The following UNC5D variants were observed in gnomAD, a reference collection of about 807,000 sequenced individuals.
The protein encoded by UNC5D is netrin receptor UNC5D.
A neutral mutation model predicts 105.4 loss-of-function variants in UNC5D; 39 were observed. That is an observed-to-expected ratio of 0.37 (90% confidence interval 0.29 to 0.48). The LOEUF (loss-of-function observed/expected upper bound fraction) is 0.48, where lower values mean the gene tolerates loss of function less well. UNC5D is among the 20% of genes least tolerant of loss of function. UNC5D has a pLI of 0.98. For synonymous variants in UNC5D, 452 were observed against 450.4 expected, an observed-to-expected ratio of 1.00 and a Z score of -0.04; for missense variants, 991 against 1,202.4, an observed-to-expected ratio of 0.82 and a Z score of 2.60.
chr8:35,372,464 T>TG (rs1246122536), intron 1 of UNC5D, among the ~76,000 whole-genome samples: 1 of 152,058 alleles, frequency 6.6e-6, no homozygotes, highest in African/African-American at 2.4e-5. Context: ...TTGTATATTT[T>TG]GGGGGGTTAT....
chr8:35,340,200 C>T (rs1031717332), intron 1 of UNC5D, among the ~76,000 whole-genome samples: 1 of 152,120 alleles, frequency 6.6e-6, no homozygotes, highest in African/African-American at 2.4e-5. Flanking sequence ...TGCCTCCATT[C>T]CCATGAAAAT....
chr8:35,710,196 A>G (rs13276125), intron 8 of UNC5D, among the ~76,000 whole-genome samples: 5,334 of 152,298 alleles, frequency 0.035, 142 homozygotes, highest in Non-Finnish European at 0.055. Context: ...CTCTAAGATG[A>G]TTGTGGCTTG....
chr8:35,694,067 G>T (rs962340390), intron 7 of UNC5D, among the ~76,000 whole-genome samples: 1 of 152,110 alleles, frequency 6.6e-6, no homozygotes, highest in South Asian at 2.1e-4. Context: ...ACATAAGAAC[G>T]AGTCCCTGTG....
chr8:35,297,151 A>T (rs1043211063), intron 1 of UNC5D, among the ~76,000 whole-genome samples: 1 of 152,132 alleles, frequency 6.6e-6, no homozygotes, highest in African/African-American at 2.4e-5. Flanking sequence ...TGTGTTTATA[A>T]GCACTTCTAT....
intron 11 of UNC5D, among the ~76,000 whole-genome samples, chr8:35,731,526 C>T (rs1829198398): frequency 6.6e-6 from 1 of 151,144 alleles, no homozygotes; most frequent in Non-Finnish European, 1.5e-5. Context: ...TCATGAACTC[C>T]TTGACTCTAG....
At chr8:35,573,030 C>G (rs990977283) in intron 3 of UNC5D, among the ~76,000 whole-genome samples, 6 of 152,084 alleles carry the variant, frequency 3.9e-5, no homozygotes, top group South Asian at 2.1e-4. Context: ...GTCTCGATCT[C>G]CTGACCTCGT....
intron 1 of UNC5D, among the ~76,000 whole-genome samples, chr8:35,342,429 G>A (rs1348242153): frequency 1.3e-5 from 2 of 152,030 alleles, no homozygotes; most frequent in Non-Finnish European, 2.9e-5. Context: ...GGGAAAACAG[G>A]GATTCATCAG....
rs575280763 is a variant in UNC5D at position 35,427,402 on chromosome 8, G to T, written c.104-121890G>T. Among the ~76,000 whole-genome samples, 33 of 152,234 alleles carry T rather than the reference G, an allele frequency of 2.2e-4. No individual in the cohort carries two copies. In the East Asian group the frequency reaches 6.2e-3, roughly 29 times the overall value. On this transcript the variant is annotated intron_variant, in intron 1 of 16. Transcript: ENST00000404895. ...TGCTAGATGGGAAAACAGAACAATG[G>T]GTCCCGAGATTTTCAGACTGCCGCT...
intron 1 of UNC5D, among the ~76,000 whole-genome samples, chr8:35,491,084 G>A (rs188587375): frequency 1.7e-4 from 26 of 151,690 alleles, no homozygotes; most frequent in African/African-American, 5.8e-4. Context: ...CCTGAACTTC[G>A]CTGCTTTAAT....
intron 1 of UNC5D, among the ~76,000 whole-genome samples, chr8:35,244,286 G>A (rs1403303860): frequency 1.3e-5 from 2 of 152,168 alleles, no homozygotes; most frequent in Admixed American, 1.3e-4. Context: ...GGGCCTTTTC[G>A]ATGATGTTAC....
At chr8:35,696,549 G>C (rs1826793282) in intron 7 of UNC5D, among the ~76,000 whole-genome samples, 1 of 152,044 alleles carries the variant, frequency 6.6e-6, no homozygotes, top group South Asian at 2.1e-4. Flanking sequence ...GAAGTGGCAA[G>C]AACCCAATCA....
chr8:35,538,998 G>A (rs1313121834), intron 1 of UNC5D, among the ~76,000 whole-genome samples: 1 of 151,998 alleles, frequency 6.6e-6, no homozygotes, highest in African/African-American at 2.4e-5. Flanking sequence ...CAGAATTATA[G>A]TATCAATATA....
intron 3 of UNC5D, among the ~76,000 whole-genome samples, chr8:35,595,035 C>T (rs1371903599): frequency 6.6e-6 from 1 of 152,166 alleles, no homozygotes; most frequent in East Asian, 1.9e-4. Context: ...TTGAATGTTG[C>T]CCCTTCTCCC....
At chr8:35,262,859 A>G (rs755371626) in intron 1 of UNC5D, among the ~76,000 whole-genome samples, 1 of 152,202 alleles carries the variant, frequency 6.6e-6, no homozygotes, top group Admixed American at 6.5e-5. Context: ...AGATTTGCCT[A>G]CTTTCTCATA....
chr8:35,442,328 C>A (rs1218281843), intron 1 of UNC5D, among the ~76,000 whole-genome samples: 1 of 151,842 alleles, frequency 6.6e-6, no homozygotes, highest in African/African-American at 2.4e-5. Flanking sequence ...AGTTATACAC[C>A]ACACTAGGTA....
At chr8:35,317,419 G>A (rs767383139) in intron 1 of UNC5D, among the ~76,000 whole-genome samples, 8 of 152,082 alleles carry the variant, frequency 5.3e-5, no homozygotes, top group Admixed American at 2.0e-4. Flanking sequence ...TGGCTATTAC[G>A]AAAACATCTT....
At chr8:35,270,568 AGT>A (rs1805210953) in intron 1 of UNC5D, among the ~76,000 whole-genome samples, 1 of 152,232 alleles carries the variant, frequency 6.6e-6, no homozygotes, top group African/African-American at 2.4e-5. Context: ...TTTCTTAATT[AGT>A]GATTATGACA....
At chr8:35,737,017 G>A (rs1829502422) in intron 11 of UNC5D, among the ~76,000 whole-genome samples, 1 of 152,078 alleles carries the variant, frequency 6.6e-6, no homozygotes, top group Non-Finnish European at 1.5e-5. Context: ...CACTAGATAA[G>A]CACCCTCCTT....
chr8:35,244,886 C>A (rs1464194239), intron 1 of UNC5D, among the ~76,000 whole-genome samples: 1 of 151,598 alleles, frequency 6.6e-6, no homozygotes, highest in Non-Finnish European at 1.5e-5. Context: ...CGTGGTTGTT[C>A]GTGCCTGTAG....
Sources: gnomAD v4.1 joint callset for allele counts (sites outside exome capture counted in the v4.1 genomes callset) on GRCh38, gnomAD v4.1.1 for gene constraint, MANE v1.5 for transcripts, NCBI Gene and HGNC (gene_info 2026-07-23, HGNC 2026-07-21) for gene names.